Variants in STIM1 observed in about 807,000 individuals in gnomAD.
The protein encoded by STIM1 is stromal interaction molecule 1.
Under a neutral mutation model 74.7 loss-of-function variants are expected in STIM1, and 25 were observed. The ratio of observed to expected loss-of-function variants is 0.33; its 90% confidence interval spans 0.24 to 0.47. The LOEUF is 0.47. STIM1 is among the 20% of genes least tolerant of loss of function. The pLI, the probability that STIM1 is intolerant of heterozygous loss-of-function variation, is 1.00. For missense variants in STIM1, 728 were observed against 920.8 expected (o/e 0.79, Z 2.71); for synonymous variants, 328 against 348.8 (o/e 0.94, Z 0.66).
Position 4,092,583 on chromosome 11 carries a change from G to C in STIM1, c.*785G>C, listed in dbSNP as rs1191004721. On this transcript the variant is annotated 3_prime_UTR_variant, in exon 13 of 13. Coordinates refer to ENST00000526596, the MANE Select transcript of STIM1 (RefSeq NM_001382567.1). ...CCTCTTACCCCTGCTCCCCCACACT[G>C]CAGGAGGATTTGTCTCTAAGAGGTG... 6.6e-6 allele frequency: 1 copy of C among 152,670 alleles called. No homozygotes were observed. The highest frequency in any genetic ancestry group is 1.5e-5 in the Non-Finnish European group (1 of 68,520). The allele number at this position is 152,670 out of a possible 1,614,324, so 9.5% of individuals were successfully genotyped here.
chr11:4,081,480 C>G (rs1380967963), intron 7 of STIM1, among the ~76,000 whole-genome samples: 22 of 152,212 alleles, frequency 1.4e-4, no homozygotes. Context: ...CCCACTTGCT[C>G]TACTCCCTGA....
intron 3 of STIM1, among the ~76,000 whole-genome samples, chr11:4,039,727 A>T (rs2094133744): frequency 6.6e-6 from 1 of 152,066 alleles, no homozygotes; most frequent in Non-Finnish European, 1.5e-5. Flanking sequence ...GGGAGAAAAG[A>T]GTAATATGTA....
intron 3 of STIM1, among the ~76,000 whole-genome samples, chr11:4,033,801 G>A (rs1027066183): frequency 9.9e-5 from 15 of 151,438 alleles, no homozygotes; most frequent in Admixed American, 2.6e-4. Context: ...GGGTTTCACC[G>A]TGTTAGCCAG....
At chr11:3,860,258 A>G (rs2090545849) in intron 1 of STIM1, among the ~76,000 whole-genome samples, 1 of 152,228 alleles carries the variant, frequency 6.6e-6, no homozygotes, top group African/African-American at 2.4e-5. Flanking sequence ...ACTTTTTTAG[A>G]GCTTACTATA....
At chr11:3,987,746 A>G (rs968256852) in intron 2 of STIM1, among the ~76,000 whole-genome samples, 1 of 151,696 alleles carries the variant, frequency 6.6e-6, no homozygotes, top group Non-Finnish European at 1.5e-5. Flanking sequence ...TGCCTGCACT[A>G]TTCTTCTGCC....
chr11:3,982,917 T>C (rs185332840), intron 2 of STIM1, among the ~76,000 whole-genome samples: 27 of 152,204 alleles, frequency 1.8e-4, no homozygotes, highest in Non-Finnish European at 3.4e-4. Flanking sequence ...GTCATGTTGA[T>C]TTCTATCTCC....
intron 1 of STIM1, chr11:3,892,306 A>C: frequency 1.3e-6 from 1 of 791,056 alleles, no homozygotes; most frequent in Non-Finnish European, 2.1e-6. Flanking sequence ...ATTCAAGGAT[A>C]CTGCGAGCAA....
At chr11:3,898,831 T>G (rs1482953883) in intron 1 of STIM1, among the ~76,000 whole-genome samples, 1 of 139,546 alleles carries the variant, frequency 7.2e-6, no homozygotes, top group Non-Finnish European at 1.6e-5. Flanking sequence ...GTTGTAGATA[T>G]GCGGCGTTAT....
At position 4,052,727 on chromosome 11, in the gene STIM1, A is replaced by C. The variant is rs540266719; in HGVS notation, c.386-2799A>C. ...CAAAAGCAATGGCAACAAAAGCCAAAATGGACAAATGGAGTCTAATTAAAC... is the reference window on the plus strand; with the variant it reads ...CAAAAGCAATGGCAACAAAAGCCAACATGGACAAATGGAGTCTAATTAAAC... On this transcript the variant is annotated intron_variant, in intron 3 of 12. Transcript: ENST00000526596. 1.1e-3 allele frequency among the ~76,000 whole-genome samples: 173 copies of C among 152,356 alleles called. 1 individual carries two copies. The highest frequency in any genetic ancestry group is 4.0e-3 in the African/African-American group (165 of 41,590).
At chr11:3,932,666 G>GAAAAAAAAAA (rs57059104) in intron 1 of STIM1, among the ~76,000 whole-genome samples, 9 of 86,872 alleles carry the variant, frequency 1.0e-4, no homozygotes, top group Non-Finnish European at 1.6e-4. Flanking sequence ...TGTCTCAAAG[G>GAAAAAAAAAA]AAAAAAAAAA....
At chr11:3,930,396 T>G (rs2092844985) in intron 1 of STIM1, among the ~76,000 whole-genome samples, 1 of 152,234 alleles carries the variant, frequency 6.6e-6, no homozygotes, top group Non-Finnish European at 1.5e-5. Context: ...TTTATAACTT[T>G]CTATAGTAAA....
chr11:4,027,871 G>A (rs992999596), intron 3 of STIM1, among the ~76,000 whole-genome samples: 1 of 152,086 alleles, frequency 6.6e-6, no homozygotes, highest in African/African-American at 2.4e-5. Flanking sequence ...GGGTAGTTTT[G>A]TAGAATCCTT....
At chr11:3,980,223 T>G (rs2093488746) in intron 2 of STIM1, among the ~76,000 whole-genome samples, 1 of 152,216 alleles carries the variant, frequency 6.6e-6, no homozygotes, top group African/African-American at 2.4e-5. Context: ...AACCACTCTG[T>G]GAACTAGGTG....
At chr11:3,903,151 G>C (rs573367031) in intron 1 of STIM1, among the ~76,000 whole-genome samples, 8 of 152,224 alleles carry the variant, frequency 5.3e-5, no homozygotes, top group Admixed American at 5.2e-4. Flanking sequence ...TTTTAAAGAT[G>C]GGAAAACTGA....
intron 1 of STIM1, among the ~76,000 whole-genome samples, chr11:3,931,073 A>T (rs1013351): frequency 0.24 from 37,248 of 152,158 alleles, 5,679 homozygotes; most frequent in South Asian, 0.45. Context: ...GATGAATGTC[A>T]TGAAGTGCAA....
Position 3,856,188 on chromosome 11 carries a change from C to A in STIM1, c.-83C>A, listed in dbSNP as rs543763201. The A allele has an allele frequency of 8.2e-6, 13 of 1,583,234 alleles. No individual in the cohort carries two copies. In the Admixed American group the frequency reaches 1.7e-4, roughly 20 times the overall value. On this transcript the variant is annotated 5_prime_UTR_variant, in exon 1 of 13. Transcript: ENST00000526596. ...CGAGGGCATCTTGCCTGGAGACCGT[C>A]GGCTGCACTCCCGGGCTCCTGGCTT...
rs1161832347 is a variant in STIM1, at chr11:4,031,350, A to G, written c.385+7363A>G. Reference sequence around the variant, plus strand: ...TTTGGCTATTACAAATAAAGCTGCTATGAACATTCACATGTAAGTCTGTAT... The same window carrying G: ...TTTGGCTATTACAAATAAAGCTGCTGTGAACATTCACATGTAAGTCTGTAT... On this transcript the variant is annotated intron_variant, in intron 3 of 12. Transcript: ENST00000526596. 2.6e-5 allele frequency among the ~76,000 whole-genome samples: 4 copies of G among 152,360 alleles called. No individual in the cohort carries two copies. The South Asian group carries it at 8.3e-4, about 32-fold the overall frequency.
At chr11:3,961,912 C>T (rs1245330860) in intron 1 of STIM1, among the ~76,000 whole-genome samples, 1 of 152,170 alleles carries the variant, frequency 6.6e-6, no homozygotes, top group Non-Finnish European at 1.5e-5. Flanking sequence ...GGTATCATGA[C>T]CTAACATTTA....
chr11:4,030,448 G>T (rs2094040440), intron 3 of STIM1, among the ~76,000 whole-genome samples: 2 of 152,128 alleles, frequency 1.3e-5, no homozygotes, highest in Admixed American at 1.3e-4. Flanking sequence ...TCAAAAGTCA[G>T]ATCCGTATGA....
Sources: allele counts gnomAD v4.1 joint callset (sites outside exome capture counted in the v4.1 genomes callset), GRCh38; gene constraint gnomAD v4.1.1; transcripts MANE v1.5; gene names NCBI Gene and HGNC (gene_info 2026-07-23, HGNC 2026-07-21).